The following BTBD8 variants were observed in gnomAD, a reference collection of about 807,000 sequenced individuals.
The protein encoded by BTBD8 is BTB domain containing 8.
BTBD8 carries 110 observed loss-of-function variants against 162.9 expected under a neutral mutation model. The ratio of observed to expected loss-of-function variants is 0.68; its 90% confidence interval spans 0.58 to 0.79. The LOEUF is 0.79. BTBD8 is among the 30% of genes least tolerant of loss of function. The pLI is 0.00. For missense variants in BTBD8, 1,905 were observed against 2,085.4 expected (o/e 0.91, Z 1.68); for synonymous variants, 667 against 716.1 (o/e 0.93, Z 1.10).
intron 1 of BTBD8, 120 bp downstream of exon 1, chr1:92,080,840 G>C: frequency 6.9e-7 from 1 of 1,452,288 alleles, no homozygotes; most frequent in Non-Finnish European, 9.2e-7. Context: ...CCTCGCCTCA[G>C]GCGACTGCGG....
intron 4 of BTBD8, among the ~76,000 whole-genome samples, 178 bp downstream of exon 4, chr1:92,108,179 T>C (rs1219104614): frequency 6.6e-6 from 1 of 152,096 alleles, no homozygotes; most frequent in African/African-American, 2.4e-5. Context: ...GGGGAAGAGG[T>C]TGACCATCAG....
At chr1:92,183,716 C>G (rs1650988786) in intron 17 of BTBD8, 148 bp from the exon 18 acceptor site, 1 of 578,306 alleles carries the variant, frequency 1.7e-6, no homozygotes, top group African/African-American at 2.0e-5. Context: ...CCTCAAAAAT[C>G]TTGTCAATTT....
At chr1:92,130,955 T>G (rs377300097) in intron 5 of BTBD8, among the ~76,000 whole-genome samples, 1 of 152,206 alleles carries the variant, frequency 6.6e-6, no homozygotes, top group Non-Finnish European at 1.5e-5. Flanking sequence ...CACCTTGCCT[T>G]GGCATCCCAA....
At chr1:92,114,011 C>CAAAAAAA (rs35277981) in intron 4 of BTBD8, among the ~76,000 whole-genome samples, 1 of 95,000 alleles carries the variant, frequency 1.1e-5, no homozygotes, top group Non-Finnish European at 2.1e-5. Flanking sequence ...GACTCCGTCT[C>CAAAAAAA]AAAAAAAAAA....
intron 4 of BTBD8, chr1:92,126,366 A>G (rs1045614820): frequency 3.8e-5 from 25 of 654,274 alleles, no homozygotes; most frequent in Non-Finnish European, 6.4e-5. Context: ...CTTGAAGTAC[A>G]TTAAGCTGGA....
intron 4 of BTBD8, among the ~76,000 whole-genome samples, chr1:92,120,999 G>A (rs1351616454): frequency 6.6e-6 from 1 of 152,176 alleles, no homozygotes; most frequent in East Asian, 1.9e-4. Flanking sequence ...CTGGCCTCAT[G>A]TGATCTGCCC....
intron 9 of BTBD8, chr1:92,150,521 G>C (rs1014109909): frequency 6.6e-6 from 1 of 152,180 alleles, no homozygotes. Flanking sequence ...TCATATATTT[G>C]TATGGTCACC....
At chr1:92,157,683 G>A (rs1240124249) in intron 9 of BTBD8, among the ~76,000 whole-genome samples, 3 of 151,572 alleles carry the variant, frequency 2.0e-5, no homozygotes, top group Admixed American at 6.6e-5. Flanking sequence ...TTCTTGGTAG[G>A]GATAGGGTCT....
intron 2 of BTBD8, among the ~76,000 whole-genome samples, chr1:92,090,397 G>A (rs764473262): frequency 1.1e-4 from 16 of 152,098 alleles, no homozygotes; most frequent in Admixed American, 3.3e-4. Context: ...GATGACTAAC[G>A]ATGTTGAGCA....
chr1:92,168,634 G>T lies in BTBD8; in HGVS notation c.1444-232G>T, dbSNP rs1429691842. On this transcript the variant is annotated intron_variant, in intron 11 of 17. Coordinates refer to ENST00000636805, the MANE Select transcript of BTBD8 (RefSeq NM_001376131.1). The stretch of plus-strand genomic sequence containing the variant: ...GGAAGGTGTTCATATCAAGGGCATT[G>T]GTGTTTTAAAATAACATTTGGTTGA... Among the ~76,000 whole-genome samples, 3 of 152,090 alleles carry T rather than the reference G, an allele frequency of 2.0e-5. No individual in the cohort carries two copies. The East Asian group carries it at 5.8e-4, about 29-fold the overall frequency.
chr1:92,149,813 A>G (rs1269219846), intron 9 of BTBD8, among the ~76,000 whole-genome samples: 5 of 152,124 alleles, frequency 3.3e-5, no homozygotes, highest in African/African-American at 9.7e-5. Context: ...TAGCTCCACA[A>G]TGAAAGGCAC....
At chr1:92,129,902 A>C (rs1215797117) in intron 5 of BTBD8, 126 bp downstream of exon 5, 10 of 821,788 alleles carry the variant, frequency 1.2e-5, no homozygotes, top group Non-Finnish European at 1.8e-5. Context: ...GAATTCAACA[A>C]AGTACATTTT....
chr1:92,166,410 CTTTTCTTTTCTTTCTTTTTT>C (rs1265441123), intron 9 of BTBD8, among the ~76,000 whole-genome samples: 1 of 140,806 alleles, frequency 7.1e-6, no homozygotes, highest in Non-Finnish European at 1.5e-5. Context: ...ATTTTAGCTA[CTTTTCTTTTCTTTCTTTTTT>C]TTTTTTTTTT....
intron 9 of BTBD8, among the ~76,000 whole-genome samples, chr1:92,151,597 G>A (rs1005643119): frequency 6.6e-6 from 1 of 151,824 alleles, no homozygotes; most frequent in African/African-American, 2.4e-5. Context: ...TGGTTACATG[G>A]GTGAGTTCTT....
chr1:92,084,131 G>A (rs1225555511), intron 1 of BTBD8, among the ~76,000 whole-genome samples: 1 of 152,106 alleles, frequency 6.6e-6, no homozygotes, highest in Non-Finnish European at 1.5e-5. Context: ...ATTTTATTAC[G>A]TAAATATATT....
At chr1:92,098,671 C>T (rs1377981608) in intron 2 of BTBD8, among the ~76,000 whole-genome samples, 1 of 152,020 alleles carries the variant, frequency 6.6e-6, no homozygotes, top group Non-Finnish European at 1.5e-5. Context: ...ATTTGCATTT[C>T]CATGATAGGT....
intron 9 of BTBD8, among the ~76,000 whole-genome samples, chr1:92,149,411 G>T (rs1649996214): frequency 1.3e-5 from 2 of 152,148 alleles, no homozygotes; most frequent in African/African-American, 4.8e-5. Context: ...TGTGTGGAGG[G>T]ATAGTTGTAT....
At chr1:92,128,404 G>T (rs756958129) in intron 4 of BTBD8, among the ~76,000 whole-genome samples, 1 of 151,940 alleles carries the variant, frequency 6.6e-6, no homozygotes. Flanking sequence ...TTAGTCTCCC[G>T]AGTAGCTGGG....
chr1:92,091,487 A>G (rs186341920), intron 2 of BTBD8, among the ~76,000 whole-genome samples: 11 of 151,554 alleles, frequency 7.3e-5, no homozygotes, highest in Non-Finnish European at 1.5e-4. Context: ...GTGTGTATGT[A>G]TATATTTTTT....
Sources: gnomAD v4.1 joint callset for allele counts (sites outside exome capture counted in the v4.1 genomes callset) on GRCh38, gnomAD v4.1.1 for gene constraint, MANE v1.5 for transcripts, NCBI Gene and HGNC (gene_info 2026-07-23, HGNC 2026-07-21) for gene names.